SHANK2: variants seen among roughly 807,000 people sequenced by gnomAD.
SHANK2 encodes SH3 and multiple ankyrin repeat domains 2, also known as SH3 and multiple ankyrin repeat domains protein 2.
A neutral mutation model predicts 133.7 loss-of-function variants in SHANK2; 43 were observed. The observed-to-expected ratio is 0.32, with a 90% CI of 0.25 to 0.41. The LOEUF is 0.41. Among genes scored for constraint, SHANK2 ranks in the 10% least tolerant of loss-of-function variants. The pLI, the probability that SHANK2 is intolerant of heterozygous loss-of-function variation, is 1.00. For synonymous variants in SHANK2, 1,017 were observed against 952.8 expected (o/e 1.07, Z -1.24); for missense variants, 1,994 against 2,235.8 (o/e 0.89, Z 2.18).
intron 14 of SHANK2, among the ~76,000 whole-genome samples, chr11:70,744,316 A>C (rs1946594022): frequency 6.6e-6 from 1 of 152,180 alleles, no homozygotes; most frequent in Admixed American, 6.5e-5. Context: ...ACTGCAGTAG[A>C]GGCTGGTCAC....
rs1026882587 is a variant in SHANK2, at chr11:71,188,322, G to A, written c.-13+36375C>T. The stretch of plus-strand genomic sequence containing the variant: ...ATCTGCCCAGCCCCTTCCAGCATAC[G>A]CCTGAGAAGGTCAGCCCCAAACGCC... On this transcript the variant is annotated intron_variant, in intron 2 of 25. Transcript: ENST00000601538. This position sits in a 1 kb window ranked among gnomAD's most constrained non-coding sequence, Gnocchi z 4.6. Among the ~76,000 whole-genome samples, 3 of 151,912 alleles carry A rather than the reference G, an allele frequency of 2.0e-5. No individual in the cohort carries two copies. Among genetic ancestry groups the A allele is most frequent in the Non-Finnish European group, 1.5e-5 (1 of 67,990 alleles).
intron 17 of SHANK2, among the ~76,000 whole-genome samples, chr11:70,512,808 A>AT (rs1167800241): frequency 6.6e-6 from 1 of 152,146 alleles, no homozygotes; most frequent in Admixed American, 6.5e-5. Context: ...CAAAAACCTC[A>AT]TTTTTTGTAA....
chr11:70,472,766 G>A lies in SHANK2; in HGVS notation c.*103C>T. 1.8e-6 allele frequency: 2 copies of A among 1,135,474 alleles called. No homozygotes were observed. The highest frequency in any genetic ancestry group is 1.3e-6 in the Non-Finnish European group (1 of 745,744). 70.3% of individuals were successfully genotyped at this position (1,135,474 alleles called of 1,614,324 possible). A position where few individuals can be genotyped will look rare whatever the true frequency, so the allele number is the denominator to read the frequency against. ...GGGTACCAGGAGACAAACCCATGGAGTGGGGTTGATGCTCACAGACTTCGC... is the reference window on the plus strand; with the variant it reads ...GGGTACCAGGAGACAAACCCATGGAATGGGGTTGATGCTCACAGACTTCGC... On this transcript the variant is annotated 3_prime_UTR_variant, in exon 26 of 26. Coordinates refer to ENST00000601538, the MANE Select transcript of SHANK2 (RefSeq NM_012309.5). This position sits in a 1 kb window ranked among gnomAD's most constrained non-coding sequence, Gnocchi z 4.4.
intron 1 of SHANK2, among the ~76,000 whole-genome samples, chr11:71,243,132 C>G (rs1954915826): frequency 6.6e-6 from 1 of 152,244 alleles, no homozygotes; most frequent in East Asian, 1.9e-4. Context: ...AAATCAATAA[C>G]CAAAACCTTC....
intron 14 of SHANK2, among the ~76,000 whole-genome samples, chr11:70,746,610 T>C (rs1946644413): frequency 6.6e-6 from 1 of 152,162 alleles, no homozygotes; most frequent in Non-Finnish European, 1.5e-5. Context: ...GGGTGCCCCG[T>C]GCTCACAGCC....
Position 71,056,202 on chromosome 11 carries a change from C to G in SHANK2, c.1107+279G>C, listed in dbSNP as rs1028153524. 3.9e-5 allele frequency among the ~76,000 whole-genome samples: 6 copies of G among 152,324 alleles called. 1 individual carries two copies. The South Asian group carries it at 1.0e-3, about 26-fold the overall frequency. On this transcript the variant is annotated intron_variant, in intron 10 of 25. Coordinates refer to ENST00000601538, the MANE Select transcript of SHANK2 (RefSeq NM_012309.5). Reference sequence around the variant, plus strand: ...ACAGCTGCACAGTTGGAAGCACTTACGTCTTTGCTGCCTTTCCGGCGCTGA... The same window carrying G: ...ACAGCTGCACAGTTGGAAGCACTTAGGTCTTTGCTGCCTTTCCGGCGCTGA...
At chr11:70,497,730 C>T (rs2058992212) in intron 21 of SHANK2, among the ~76,000 whole-genome samples, 1 of 152,224 alleles carries the variant, frequency 6.6e-6, no homozygotes, top group Non-Finnish European at 1.5e-5. Flanking sequence ...AGAAATCTTG[C>T]CACTGCTCTG....
Position 70,662,165 on chromosome 11 carries a change from G to A in SHANK2, c.1854-487C>T. The A allele has an allele frequency of 9.9e-6, 3 of 303,822 alleles. No individual in the cohort carries two copies. In the South Asian group the frequency reaches 1.1e-4, roughly 11 times the overall value. 18.8% of individuals were successfully genotyped at this position (303,822 alleles called of 1,614,324 possible). The stretch of plus-strand genomic sequence containing the variant: ...CAGCCAGAGGAGAAATGAGGCAGCA[G>A]TTTTGTTTTGCTTTTCCTTGAAGGG... On this transcript the variant is annotated intron_variant, in intron 15 of 25. Transcript: ENST00000601538.
chr11:70,777,930 C>T (rs1202892522), intron 14 of SHANK2, among the ~76,000 whole-genome samples: 2 of 152,202 alleles, frequency 1.3e-5, no homozygotes, highest in Admixed American at 1.3e-4. Context: ...GAGGGCCATA[C>T]CCTAACACAT....
chr11:70,800,223 A>G (rs1353344323), intron 13 of SHANK2, among the ~76,000 whole-genome samples: 1 of 152,084 alleles, frequency 6.6e-6, no homozygotes, highest in African/African-American at 2.4e-5. Flanking sequence ...ACAGGGTCTC[A>G]CTATGTTGCC....
At chr11:71,228,043 A>G (rs1954672297) in intron 1 of SHANK2, among the ~76,000 whole-genome samples, 1 of 152,156 alleles carries the variant, frequency 6.6e-6, no homozygotes, top group Admixed American at 6.5e-5. Flanking sequence ...AACAACACAA[A>G]TTACCAATAC....
intron 15 of SHANK2, among the ~76,000 whole-genome samples, chr11:70,663,294 C>T (rs1376628871): frequency 6.6e-6 from 1 of 152,170 alleles, no homozygotes; most frequent in Non-Finnish European, 1.5e-5. Context: ...CAGGTGCAGC[C>T]AGCTGGTGAC....
At chr11:70,828,185 G>A (rs1590733396) in intron 11 of SHANK2, among the ~76,000 whole-genome samples, 1 of 152,308 alleles carries the variant, frequency 6.6e-6, no homozygotes, top group Non-Finnish European at 1.5e-5. Context: ...AGGAGGCTGA[G>A]GCAGGAGGAT....
At chr11:70,659,290 G>A (rs1422825616) in intron 17 of SHANK2, among the ~76,000 whole-genome samples, 2 of 151,950 alleles carry the variant, frequency 1.3e-5, no homozygotes, top group African/African-American at 4.8e-5. Flanking sequence ...TTGCACCATC[G>A]ACACCAGCCA....
intron 14 of SHANK2, among the ~76,000 whole-genome samples, chr11:70,713,134 G>A (rs999430917): frequency 1.3e-5 from 2 of 152,250 alleles, no homozygotes; most frequent in Non-Finnish European, 2.9e-5. Flanking sequence ...TGTCGGGCAC[G>A]TGCCAGTGGG....
chr11:71,115,927 A>G (rs1435122307), intron 4 of SHANK2, among the ~76,000 whole-genome samples: 1 of 152,138 alleles, frequency 6.6e-6, no homozygotes, highest in Non-Finnish European at 1.5e-5. Flanking sequence ...TTGGCCCTCA[A>G]TGACAATTTT....
At position 70,612,467 on chromosome 11, in the gene SHANK2, C is replaced by T. The variant is rs181925345; in HGVS notation, c.2061+47361G>A. Among the ~76,000 whole-genome samples the T allele has an allele frequency of 3.3e-4, 51 of 152,334 alleles. 1 individual carries two copies. Among genetic ancestry groups the T allele is most frequent in the African/African-American group, 1.1e-3 (47 of 41,578 alleles). On this transcript the variant is annotated intron_variant, in intron 17 of 25. Coordinates refer to ENST00000601538, the MANE Select transcript of SHANK2 (RefSeq NM_012309.5). ...GTATACATACACATATGCATGCGTGCATACATATTCTTGGGGGTGTTTTGC... is the reference window on the plus strand; with the variant it reads ...GTATACATACACATATGCATGCGTGTATACATATTCTTGGGGGTGTTTTGC...
chr11:70,486,720 C>T lies in SHANK2; in HGVS notation c.3573G>A (p.Ala1191=), dbSNP rs782764656. The change falls in exon 25 of 26, where the codon GCG becomes GCA. Residue 1191 remains alanine, a synonymous_variant. Transcript: ENST00000601538. This position sits in a 1 kb window ranked among gnomAD's most constrained non-coding sequence, Gnocchi z 8.0. ...TCCCGGGGCCGGCTGTGCCGCTGCT[C>T]GCGGAGGGCACTGCTGGGCTGCTCT... ...GPESSPAVPS[A]SSGTAGPGNY... 16 of 1,610,242 alleles carry T rather than the reference C, an allele frequency of 9.9e-6. No homozygotes were observed. The Admixed American group carries it at 2.2e-4, about 22-fold the overall frequency.
rs1270620672 is a variant in SHANK2, at chr11:70,569,588, GGAGGATACC to G, written c.2062-66666_2062-66658del. Reference sequence around the variant, plus strand: ...TCCTTTCTGTGGCCCCTCCCCACGTGGAGGATACCGAGGAGGTTAGGACAGCCCTCGGGC... The same window carrying G: ...TCCTTTCTGTGGCCCCTCCCCACGTGGAGGAGGTTAGGACAGCCCTCGGGC... On this transcript the variant is annotated intron_variant, in intron 17 of 25. Transcript: ENST00000601538. This position sits in a 1 kb window ranked among gnomAD's most constrained non-coding sequence, Gnocchi z 5.1. Among the ~76,000 whole-genome samples the G allele has an allele frequency of 6.6e-6, 1 of 152,156 alleles. No individual in the cohort carries two copies. Among genetic ancestry groups the G allele is most frequent in the African/African-American group, 2.4e-5 (1 of 41,436 alleles).
Sources: allele counts gnomAD v4.1 joint callset (sites outside exome capture counted in the v4.1 genomes callset), GRCh38; gene constraint gnomAD v4.1.1; non-coding constraint Gnocchi (gnomAD v3.1); transcripts MANE v1.5; gene names NCBI Gene and HGNC (gene_info 2026-07-23, HGNC 2026-07-21).